Variants in PTPN1 observed in about 807,000 individuals in gnomAD.
PTPN1 encodes tyrosine-protein phosphatase non-receptor type 1.
Under a neutral mutation model 59.9 loss-of-function variants are expected in PTPN1, and 12 were observed. The ratio of observed to expected loss-of-function variants is 0.20; its 90% CI spans 0.13 to 0.32. PTPN1 has a LOEUF of 0.32. Ranked by LOEUF, PTPN1 falls within the 10% of genes least tolerant of loss-of-function variation. The pLI, the probability that PTPN1 is intolerant of heterozygous loss-of-function variation, is 1.00. For missense variants in PTPN1, 356 were observed against 549.2 expected (o/e 0.65, Z 3.52); for synonymous variants, 178 against 203.6 (o/e 0.87, Z 1.07).
rs747697304 is a variant in PTPN1, at chr20:50,579,779, A to G, written c.941A>G (p.Lys314Arg). The G allele has an allele frequency of 6.2e-7, 1 of 1,613,880 alleles. No homozygotes were observed. The highest frequency in any genetic ancestry group is 1.1e-5 in the South Asian group (1 of 91,036). The change falls in exon 8 of 10, where the codon AAA becomes AGA. Residue 314 changes from lysine to arginine, a missense_variant. By Grantham distance (26) the Lys-to-Arg change is conservative. Transcript: ENST00000371621. ...EHIPPPPRPP[K>R]RILEPHNGKC... ...ATCCCCCCACCTCCCCGGCCACCCAAACGAATCCTGGAGCCACACAATGGG... is the reference window on the plus strand; with the variant it reads ...ATCCCCCCACCTCCCCGGCCACCCAGACGAATCCTGGAGCCACACAATGGG...
At chr20:50,576,162 A>G (rs1052246697) in intron 5 of PTPN1, among the ~76,000 whole-genome samples, 2 of 152,190 alleles carry the variant, frequency 1.3e-5, no homozygotes, top group African/African-American at 4.8e-5. Context: ...GAAGATTCTC[A>G]GGAGTAACAT....
intron 1 of PTPN1, among the ~76,000 whole-genome samples, chr20:50,535,676 A>G (rs911544805): frequency 1.3e-5 from 2 of 152,134 alleles, no homozygotes; most frequent in African/African-American, 4.8e-5. Flanking sequence ...ATGCTTAGAC[A>G]TTTTATATGA....
Position 50,510,383 on chromosome 20 carries a change from A to C in PTPN1, c.-145A>C, listed in dbSNP as rs976215791. ...TGCGTAGTTCCGGCTGCCGGTTGAC[A>C]TGAAGAAGCAGCAGCGGCTAGGGCG... On this transcript the variant is annotated 5_prime_UTR_variant, in exon 1 of 10. It removes an upstream start codon present in the reference 5' UTR. Transcript: ENST00000371621. 25 of 828,610 alleles carry C rather than the reference A, an allele frequency of 3.0e-5. No individual in the cohort carries two copies. Among genetic ancestry groups the C allele is most frequent in the Middle Eastern group, 3.2e-4 (1 of 3,152 alleles). 51.3% of individuals were successfully genotyped at this position (828,610 alleles called of 1,614,324 possible). A position where few individuals can be genotyped will look rare whatever the true frequency, so the allele number is the denominator to read the frequency against.
At chr20:50,574,715 A>T (rs2082827605) in intron 5 of PTPN1, 61 bp downstream of exon 5, 16 of 1,531,072 alleles carry the variant, frequency 1.0e-5, no homozygotes, top group Non-Finnish European at 1.2e-5. Flanking sequence ...CTCTTCCTTT[A>T]TCCCTTGGGT....
chr20:50,533,336 A>C (rs1304211180), intron 1 of PTPN1, among the ~76,000 whole-genome samples: 1 of 152,184 alleles, frequency 6.6e-6, no homozygotes, highest in African/African-American at 2.4e-5. Context: ...ATTTAAGATT[A>C]GTTTTCAGAT....
At position 50,510,624 on chromosome 20, in the gene PTPN1, C is replaced by T. The variant is rs1025277850; in HGVS notation, c.63+34C>T. On this transcript the variant is annotated intron_variant, in intron 1 of 9. Transcript: ENST00000371621. The stretch of plus-strand genomic sequence containing the variant: ...GCGCCCCGGAGCGTGGCGGGCCCTT[C>T]GCTTAGGCCGCTTGAACATCCCCTC... 1.0e-5 allele frequency: 16 copies of T among 1,545,854 alleles called. No individual in the cohort carries two copies. In the African/African-American group the frequency reaches 1.1e-4, roughly 11 times the overall value.
At chr20:50,510,716 G>T (rs2082503002) in intron 1 of PTPN1, 126 bp downstream of exon 1, 1 of 1,046,470 alleles carries the variant, frequency 9.6e-7, no homozygotes, top group East Asian at 3.1e-5. Context: ...TTGAGGATTC[G>T]ATGGGACAGC....
At position 50,568,397 on chromosome 20, in the gene PTPN1, A is replaced by G. The variant is rs755810757; in HGVS notation, c.273A>G (p.Thr91=). ...YILTQGPLPN[T]CGHFWEMVWE... is the part of the protein sequence containing the mutation. ...CTTTGCAGGGCCCTTTGCCTAACAC[A>G]TGCGGTCACTTTTGGGAGATGGTGT... The change falls in exon 4 of 10, where the codon ACA becomes ACG. Residue 91 remains threonine (T), a synonymous_variant. Transcript: ENST00000371621. This position sits in a 1 kb window ranked among gnomAD's most constrained non-coding sequence, Gnocchi z 5.6. 12 of 1,614,120 alleles carry G rather than the reference A, an allele frequency of 7.4e-6. No homozygotes were observed. Among genetic ancestry groups the G allele is most frequent in the Non-Finnish European group, 1.0e-5 (12 of 1,179,968 alleles).
intron 1 of PTPN1, among the ~76,000 whole-genome samples, chr20:50,538,589 T>G (rs771313027): frequency 5.9e-5 from 9 of 152,232 alleles, no homozygotes; most frequent in Non-Finnish European, 1.3e-4. Context: ...GGTTAGGTTA[T>G]TGTTATATCT....
intron 6 of PTPN1, among the ~76,000 whole-genome samples, 155 bp from the exon 7 acceptor site, chr20:50,579,013 C>T (rs1421799611): frequency 1.3e-5 from 2 of 152,176 alleles, no homozygotes; most frequent in African/African-American, 4.8e-5. Flanking sequence ...AGGGACCTGT[C>T]CCCCTGACCC....
chr20:50,556,023 CT>C lies in PTPN1; in HGVS notation c.64-5335del, dbSNP rs2082724401. 2.7e-5 allele frequency among the ~76,000 whole-genome samples: 4 copies of C among 150,916 alleles called. No homozygotes were observed. The South Asian group carries it at 8.3e-4, about 31-fold the overall frequency. ...AACAAATTTAAGACTTAGATTTTTACTTTTTCAGGTCTTTTTTTTTTTTTCT... is the reference window on the plus strand; with the variant it reads ...AACAAATTTAAGACTTAGATTTTTACTTTTCAGGTCTTTTTTTTTTTTTCT... On this transcript the variant is annotated intron_variant, in intron 1 of 9. Coordinates refer to ENST00000371621, the MANE Select transcript of PTPN1 (RefSeq NM_002827.4).
chr20:50,521,555 GAGAC>G (rs2122724155), intron 1 of PTPN1, among the ~76,000 whole-genome samples: 1 of 152,334 alleles, frequency 6.6e-6, no homozygotes, highest in South Asian at 2.1e-4. Context: ...GCTGTGAAGA[GAGAC>G]AGGGGATTGT....
intron 3 of PTPN1, among the ~76,000 whole-genome samples, chr20:50,566,570 G>A (rs552895179): frequency 3.3e-5 from 5 of 152,148 alleles, no homozygotes; most frequent in African/African-American, 4.8e-5. Flanking sequence ...CACTATGACC[G>A]AAACATTTCC....
chr20:50,530,565 G>A (rs903240446), intron 1 of PTPN1, among the ~76,000 whole-genome samples: 1 of 151,818 alleles, frequency 6.6e-6, no homozygotes, highest in Non-Finnish European at 1.5e-5. Context: ...CACCATGTTG[G>A]TCAGGATGGT....
intron 1 of PTPN1, among the ~76,000 whole-genome samples, chr20:50,515,772 C>T (rs917344641): frequency 6.6e-6 from 1 of 152,134 alleles, no homozygotes; most frequent in Non-Finnish European, 1.5e-5. Flanking sequence ...TAAAGATGTA[C>T]AAAACATGTT....
intron 1 of PTPN1, among the ~76,000 whole-genome samples, chr20:50,514,205 T>C (rs746457208): frequency 5.3e-5 from 8 of 152,218 alleles, no homozygotes; most frequent in Non-Finnish European, 1.2e-4. Context: ...TTCTAAAAAG[T>C]CAGCTGGGGG....
At chr20:50,525,724 G>A (rs918551123) in intron 1 of PTPN1, among the ~76,000 whole-genome samples, 1 of 151,592 alleles carries the variant, frequency 6.6e-6, no homozygotes, top group Non-Finnish European at 1.5e-5. Flanking sequence ...AGAATAAAAA[G>A]GTATTTTGAC....
chr20:50,578,306 A>C, intron 5 of PTPN1, 114 bp from the exon 6 acceptor site: 1 of 927,192 alleles, frequency 1.1e-6, no homozygotes, highest in Non-Finnish European at 1.7e-6. Flanking sequence ...AAGTCTGAGA[A>C]TGAATGTTCC....
rs553071668 is a variant in PTPN1 at position 50,524,369 on chromosome 20, C to CA, written c.63+13787dup. On this transcript the variant is annotated intron_variant, in intron 1 of 9. Transcript: ENST00000371621. Reference sequence around the variant, plus strand: ...GTATGCAGATAATCTTTGATTTGTACAAAAAAAATTATATTTTAATATGTA... The same window carrying CA: ...GTATGCAGATAATCTTTGATTTGTACAAAAAAAAATTATATTTTAATATGTA... Among the ~76,000 whole-genome samples the CA allele has an allele frequency of 6.6e-5, 10 of 151,426 alleles. No homozygotes were observed. The East Asian group carries it at 1.4e-3, about 21-fold the overall frequency.
Sources: allele counts gnomAD v4.1 joint callset (sites outside exome capture counted in the v4.1 genomes callset), GRCh38; gene constraint gnomAD v4.1.1; non-coding constraint Gnocchi (gnomAD v3.1); transcripts MANE v1.5; gene names NCBI Gene and HGNC (gene_info 2026-07-23, HGNC 2026-07-21).